The following USP32 variants were observed in gnomAD, a reference collection of about 807,000 sequenced individuals.
The protein encoded by USP32 is ubiquitin carboxyl-terminal hydrolase 32.
Under a neutral mutation model 204.8 loss-of-function variants are expected in USP32, and 59 were observed. The observed-to-expected ratio is 0.29, with a 90% CI of 0.23 to 0.36. The LOEUF (loss-of-function observed/expected upper bound fraction) is 0.36. Among genes scored for constraint, USP32 ranks in the 10% least tolerant of loss-of-function variants. The pLI, the probability that USP32 is intolerant of heterozygous loss-of-function variation, is 1.00. For missense variants in USP32, 1,160 were observed against 1,946.4 expected, an observed-to-expected ratio of 0.60 and a Z score of 7.60; for synonymous variants, 517 against 678.4, an observed-to-expected ratio of 0.76 and a Z score of 3.70.
intron 2 of USP32, among the ~76,000 whole-genome samples, chr17:60,319,493 G>A (rs1240898690): frequency 6.6e-6 from 1 of 152,162 alleles, no homozygotes; most frequent in Non-Finnish European, 1.5e-5. Flanking sequence ...AAGTACTTCT[G>A]CGAGCTAGGC....
At chr17:60,396,265 C>G (rs977409991), upstream of USP32, among the ~76,000 whole-genome samples, 13 of 151,894 alleles carry the variant, frequency 8.6e-5, no homozygotes, top group African/African-American at 3.1e-4. Flanking sequence ...TCTGTAGAGA[C>G]AGAGTTTCTG....
chr17:60,385,141 G>C (rs1332896440), intron 1 of USP32, among the ~76,000 whole-genome samples: 1 of 152,120 alleles, frequency 6.6e-6, no homozygotes, highest in East Asian at 1.9e-4. Flanking sequence ...CCTTAACTGA[G>C]CGATTAACTT....
At chr17:60,233,986 G>A (rs1040275751) in intron 12 of USP32, among the ~76,000 whole-genome samples, 7 of 151,974 alleles carry the variant, frequency 4.6e-5, no homozygotes, top group African/African-American at 1.7e-4. Context: ...GTCTTGCTCT[G>A]TCACCCAAAC....
intron 15 of USP32, among the ~76,000 whole-genome samples, chr17:60,221,382 A>G (rs558673060): frequency 1.3e-5 from 2 of 152,294 alleles, no homozygotes; most frequent in South Asian, 2.1e-4. Context: ...TCAAAATTAC[A>G]TTAGTCTGTT....
At chr17:60,390,382 G>C (rs150525264) in intron 1 of USP32, among the ~76,000 whole-genome samples, 273 of 152,228 alleles carry the variant, frequency 1.8e-3, no homozygotes, top group African/African-American at 6.4e-3. Context: ...TTGCCTAATT[G>C]AGGCCAGACC....
intron 2 of USP32, among the ~76,000 whole-genome samples, chr17:60,331,758 C>A (rs2088390576): frequency 6.9e-6 from 1 of 144,594 alleles, no homozygotes; most frequent in South Asian, 2.2e-4. Flanking sequence ...GTTAGCCAGG[C>A]ATAGTGGCAT....
intron 2 of USP32, among the ~76,000 whole-genome samples, chr17:60,338,406 AC>A (rs1432674228): frequency 6.6e-6 from 1 of 152,046 alleles, no homozygotes; most frequent in African/African-American, 2.4e-5. Context: ...AGGAGGTGGC[AC>A]CCTAAAGAAA....
rs187597573 is a variant in USP32, at chr17:60,398,166, A to G, written c.106+24080T>C. The stretch of plus-strand genomic sequence containing the variant: ...GATTGCTTGGGCCAAGGAGTTTGAG[A>G]CCAGCTTGGGCAACATACGGAGACT... On this transcript the variant is annotated intron_variant, in intron 1 of 3. Transcript: ENST00000588898. Among the ~76,000 whole-genome samples the G allele has an allele frequency of 1.3e-3, 197 of 152,278 alleles. 1 individual carries two copies. The highest frequency in any genetic ancestry group is 4.4e-3 in the African/African-American group (181 of 41,534).
At position 60,189,015 on chromosome 17, in the gene USP32, T is replaced by C. The variant is rs1163758663; in HGVS notation, c.3642+1548A>G. 3.9e-5 allele frequency among the ~76,000 whole-genome samples: 6 copies of C among 152,374 alleles called. No homozygotes were observed. The South Asian group carries it at 1.2e-3, about 32-fold the overall frequency. ...AGGATGTCCTAAAGAGCTTTTCCGA[T>C]TGCACACTGGATTTGTTAAAAAGGG... On this transcript the variant is annotated intron_variant, in intron 29 of 33. Coordinates refer to ENST00000300896, the MANE Select transcript of USP32 (RefSeq NM_032582.4).
At chr17:60,282,206 T>G (rs1227917374) in intron 5 of USP32, among the ~76,000 whole-genome samples, 1 of 152,214 alleles carries the variant, frequency 6.6e-6, no homozygotes, top group Admixed American at 6.5e-5. Flanking sequence ...TGACTCTTCA[T>G]GTGCCTAAAC....
chr17:60,366,266 C>A (rs977147307), intron 1 of USP32, among the ~76,000 whole-genome samples: 4 of 152,142 alleles, frequency 2.6e-5, no homozygotes, highest in African/African-American at 9.7e-5. Context: ...TCAAGCGATT[C>A]TCCTGCCTCA....
At chr17:60,402,844 A>G (rs2089946827) in intron 1 of USP32, among the ~76,000 whole-genome samples, 1 of 152,072 alleles carries the variant, frequency 6.6e-6, no homozygotes, top group Admixed American at 6.6e-5. Flanking sequence ...TTTCTCACTC[A>G]TGTCTGCCAG....
intron 5 of USP32, among the ~76,000 whole-genome samples, chr17:60,287,104 C>A (rs978370721): frequency 6.6e-6 from 1 of 152,068 alleles, no homozygotes; most frequent in Non-Finnish European, 1.5e-5. Flanking sequence ...GAGCCGAGAT[C>A]GCGCCACTGC....
intron 27 of USP32, among the ~76,000 whole-genome samples, chr17:60,196,391 A>C (rs1056809730): frequency 9.9e-5 from 15 of 152,128 alleles, no homozygotes; most frequent in Non-Finnish European, 2.9e-5. Context: ...CAATTACTTC[A>C]CTTCAAATTT....
At chr17:60,264,255 C>T (rs2145759546) in intron 9 of USP32, among the ~76,000 whole-genome samples, 1 of 151,656 alleles carries the variant, frequency 6.6e-6, no homozygotes, top group African/African-American at 2.4e-5. Flanking sequence ...CACAGTGGCT[C>T]ATACCTGTAA....
chr17:60,182,746 G>A (rs1469693384), intron 31 of USP32, among the ~76,000 whole-genome samples: 1 of 151,958 alleles, frequency 6.6e-6, no homozygotes, highest in African/African-American at 2.4e-5. Flanking sequence ...TCCAGCCTGG[G>A]TGACAGAGTG....
At chr17:60,228,647 G>A (rs778529658) in intron 12 of USP32, among the ~76,000 whole-genome samples, 8 of 150,814 alleles carry the variant, frequency 5.3e-5, no homozygotes, top group South Asian at 2.1e-4. Context: ...GATAGATCCC[G>A]TCTTTACAAA....
chr17:60,264,896 T>C (rs979113658), intron 9 of USP32, among the ~76,000 whole-genome samples: 1 of 143,514 alleles, frequency 7.0e-6, no homozygotes, highest in South Asian at 2.2e-4. Context: ...AGAGAGAATA[T>C]ATGTACTGCC....
intron 1 of USP32, among the ~76,000 whole-genome samples, chr17:60,372,145 A>G (rs2089453876): frequency 6.6e-6 from 1 of 152,208 alleles, no homozygotes; most frequent in African/African-American, 2.4e-5. Flanking sequence ...ATAATGCTGA[A>G]ACTGAAAAAT....
Sources: allele counts gnomAD v4.1 joint callset (sites outside exome capture counted in the v4.1 genomes callset), GRCh38; gene constraint gnomAD v4.1.1; transcripts MANE v1.5; gene names NCBI Gene and HGNC (gene_info 2026-07-23, HGNC 2026-07-21).